CCDC125: variants seen among roughly 807,000 people sequenced by gnomAD.
CCDC125 encodes the protein coiled-coil domain-containing protein 125.
CCDC125 carries 43 observed loss-of-function variants against 57.4 expected under a neutral mutation model. The observed-to-expected ratio is 0.75, with a 90% CI of 0.59 to 0.97. The LOEUF is 0.97. Among genes scored for constraint, CCDC125 ranks in the 50% least tolerant of loss-of-function variants. The pLI is 0.00. For synonymous variants in CCDC125, 187 were observed against 195.2 expected (o/e 0.96, Z 0.35); for missense variants, 563 against 595.7 (o/e 0.95, Z 0.57).
At chr5:69,289,206 C>T (rs1429547885) in intron 10 of CCDC125, among the ~76,000 whole-genome samples, 1 of 152,156 alleles carries the variant, frequency 6.6e-6, no homozygotes, top group African/African-American at 2.4e-5. Context: ...TTCTTTCCAC[C>T]TCTATCAAAA....
Position 69,313,613 on chromosome 5 carries a change from G to A in CCDC125, c.366+372C>T, listed in dbSNP as rs755838679. 1,316 of 730,334 alleles carry A rather than the reference G, an allele frequency of 1.8e-3. 5 individuals carry two copies. The highest frequency in any genetic ancestry group is 1.7e-3 in the Non-Finnish European group (663 of 391,566). The allele number at this position is 730,334 out of a possible 1,614,324, so 45.2% of individuals were successfully genotyped here. ...TTGCTCTCTTGGTCTCATAGGTTGCGTCATAGAGGGCGTAGAGGCAATCCT... is the reference window on the plus strand; with the variant it reads ...TTGCTCTCTTGGTCTCATAGGTTGCATCATAGAGGGCGTAGAGGCAATCCT... On this transcript the variant is annotated intron_variant, in intron 3 of 11. Coordinates refer to ENST00000396496, the MANE Select transcript of CCDC125 (RefSeq NM_176816.5).
intron 8 of CCDC125, among the ~76,000 whole-genome samples, chr5:69,298,060 G>A (rs1407804737): frequency 6.7e-6 from 1 of 149,914 alleles, no homozygotes; most frequent in Admixed American, 6.6e-5. Context: ...TCTGTCACCA[G>A]GCTGGAGTGC....
chr5:69,313,522 T>C (rs1375878353), intron 3 of CCDC125: 2 of 824,680 alleles, frequency 2.4e-6, no homozygotes, highest in African/African-American at 1.7e-5. Context: ...GGAGCTGGCA[T>C]TGATCATTTT....
At chr5:69,277,727 G>A (rs778907425), downstream of CCDC125, among the ~76,000 whole-genome samples, 241 of 150,710 alleles carry the variant, frequency 1.6e-3, no homozygotes, top group Non-Finnish European at 2.7e-3. Flanking sequence ...CCAAGATGGC[G>A]CCACTGTACT....
chr5:69,286,212 A>G (rs1456358017), intron 10 of CCDC125, among the ~76,000 whole-genome samples: 1 of 122,020 alleles, frequency 8.2e-6, no homozygotes. Context: ...ATATATATAT[A>G]TATATATATA....
intron 2 of CCDC125, among the ~76,000 whole-genome samples, chr5:69,316,682 T>C (rs544395618): frequency 1.4e-4 from 21 of 152,264 alleles, no homozygotes; most frequent in South Asian, 2.1e-4. Context: ...TGCTAATTTT[T>C]AAACTTTTTT....
In CCDC125 at chr5:69,282,397, A is replaced by G; in HGVS notation, c.*332T>C. 5.2e-6 allele frequency: 1 copy of G among 190,864 alleles called. No homozygotes were observed. Among genetic ancestry groups the G allele is most frequent in the Non-Finnish European group, 1.1e-5 (1 of 94,020 alleles). 11.8% of individuals were successfully genotyped at this position (190,864 alleles called of 1,614,324 possible). On this transcript the variant is annotated 3_prime_UTR_variant, in exon 12 of 12. Coordinates refer to ENST00000396496, the MANE Select transcript of CCDC125 (RefSeq NM_176816.5). ...GCTAACATGGTAAAACCCCGTCTCT[A>G]CTAAAAATACAAAAATTAGCTGGGC...
downstream of CCDC125, among the ~76,000 whole-genome samples, chr5:69,275,889 C>T (rs577569217): frequency 6.6e-6 from 1 of 152,244 alleles, no homozygotes; most frequent in African/African-American, 2.4e-5. Flanking sequence ...TTAATCTTGG[C>T]TTCCATCCCC....
chr5:69,299,506 C>T (rs543742961), intron 8 of CCDC125, among the ~76,000 whole-genome samples: 1 of 152,318 alleles, frequency 6.6e-6, no homozygotes, highest in South Asian at 2.1e-4. Flanking sequence ...GCCAAACTCC[C>T]ACATTGCCAG....
At chr5:69,323,240 C>T (rs1760316102) in intron 1 of CCDC125, among the ~76,000 whole-genome samples, 1 of 151,428 alleles carries the variant, frequency 6.6e-6, no homozygotes, top group African/African-American at 2.4e-5. Context: ...ACCTGGGAGA[C>T]AGAGGTTGCA....
intron 6 of CCDC125, among the ~76,000 whole-genome samples, chr5:69,306,350 A>G (rs183794301): frequency 2.0e-5 from 3 of 152,272 alleles, no homozygotes; most frequent in East Asian, 3.9e-4. Context: ...TATTTTTGAG[A>G]CACGGACTCA....
At chr5:69,326,865 C>G (rs1005288054) in intron 1 of CCDC125, among the ~76,000 whole-genome samples, 17 of 151,898 alleles carry the variant, frequency 1.1e-4, no homozygotes, top group Non-Finnish European at 1.9e-4. Flanking sequence ...GCCTGGGCAA[C>G]ACAGTGAGAC....
rs543873391 is a variant in CCDC125, at chr5:69,320,168, T to C, written c.304+69A>G. Reference sequence around the variant, plus strand: ...ATCCAATATGGTTATTTATTTTAGATTTTGGAAGGGTTATAGCTTTGATAC... The same window carrying C: ...ATCCAATATGGTTATTTATTTTAGACTTTGGAAGGGTTATAGCTTTGATAC... On this transcript the variant is annotated intron_variant, in intron 2 of 11. Transcript: ENST00000396496. The C allele has an allele frequency of 5.9e-5, 77 of 1,306,608 alleles. No individual in the cohort carries two copies. In the African/African-American group the frequency reaches 1.1e-3, roughly 18 times the overall value. 80.9% of individuals were successfully genotyped at this position (1,306,608 alleles called of 1,614,324 possible).
chr5:69,319,450 T>A (rs1759666711), intron 2 of CCDC125, among the ~76,000 whole-genome samples: 1 of 151,898 alleles, frequency 6.6e-6, no homozygotes, highest in South Asian at 2.1e-4. Context: ...ACTACTGTAC[T>A]GTACAATATT....
At chr5:69,285,249 G>A (rs1753140225) in intron 11 of CCDC125, 88 bp downstream of exon 11, 3 of 1,317,486 alleles carry the variant, frequency 2.3e-6, no homozygotes, top group Non-Finnish European at 3.1e-6. Flanking sequence ...CACATTCAAA[G>A]CTGTTCTGGG....
chr5:69,303,763 A>C, intron 7 of CCDC125, 84 bp downstream of exon 7: 1 of 774,544 alleles, frequency 1.3e-6, no homozygotes, highest in Non-Finnish European at 2.1e-6. Context: ...TCTCCCCTCT[A>C]TTATACTTAA....
chr5:69,281,325 G>T lies in CCDC125; in HGVS notation c.*1404C>A. 1 of 152,144 alleles carries T rather than the reference G, an allele frequency of 6.6e-6. No individual in the cohort carries two copies. The highest frequency in any genetic ancestry group is 1.5e-5 in the Non-Finnish European group (1 of 68,044). 9.4% of individuals were successfully genotyped at this position (152,144 alleles called of 1,614,324 possible). A position where few individuals can be genotyped will look rare whatever the true frequency, so the allele number is the denominator to read the frequency against. On this transcript the variant is annotated 3_prime_UTR_variant, in exon 12 of 12. Transcript: ENST00000396496. ...AGCCTGAGCAACACAGTGGGACCCT[G>T]TCTACACACACACCCCACCCCCACA...
At chr5:69,307,927 G>A (rs776519816) in intron 5 of CCDC125, 24 bp downstream of exon 5, 35 of 1,567,186 alleles carry the variant, frequency 2.2e-5, no homozygotes, top group South Asian at 2.2e-5. Flanking sequence ...GATTCAATAA[G>A]TCTACACTAA....
At chr5:69,308,752 G>A (rs1757720593) in intron 4 of CCDC125, 1 of 163,504 alleles carries the variant, frequency 6.1e-6, no homozygotes, top group East Asian at 1.8e-4. Context: ...GATTGGGACA[G>A]TTTGGAGGGC....
Sources: allele counts gnomAD v4.1 joint callset (sites outside exome capture counted in the v4.1 genomes callset), GRCh38; gene constraint gnomAD v4.1.1; transcripts MANE v1.5; gene names NCBI Gene and HGNC (gene_info 2026-07-23, HGNC 2026-07-21).